GABRB1: variants seen among roughly 807,000 people sequenced by gnomAD.
GABRB1 encodes the protein gamma-aminobutyric acid type A receptor subunit beta1.
GABRB1 carries 17 observed loss-of-function variants against 51.6 expected under a neutral mutation model. That is an observed-to-expected ratio of 0.33 (90% CI 0.23 to 0.49). GABRB1 has a LOEUF of 0.49. Ranked by LOEUF, GABRB1 falls within the 20% of genes least tolerant of loss-of-function variation. The pLI is 0.99. For missense variants in GABRB1, 410 were observed against 600.6 expected (o/e 0.68, Z 3.32); for synonymous variants, 247 against 218.9 (o/e 1.13, Z -1.14).
At chr4:47,212,774 A>G (rs1430379890) in intron 4 of GABRB1, among the ~76,000 whole-genome samples, 2 of 152,220 alleles carry the variant, frequency 1.3e-5, no homozygotes, top group African/African-American at 4.8e-5. Context: ...ATTCTTTAAA[A>G]TCTAAGAATA....
At chr4:47,214,022 G>A (rs1485089581) in intron 4 of GABRB1, among the ~76,000 whole-genome samples, 1 of 152,042 alleles carries the variant, frequency 6.6e-6, no homozygotes, top group Admixed American at 6.6e-5. Flanking sequence ...AATTACTCCT[G>A]GTGGATGATG....
intron 4 of GABRB1, among the ~76,000 whole-genome samples, chr4:47,307,906 C>T (rs1724528297): frequency 6.6e-6 from 1 of 151,684 alleles, no homozygotes; most frequent in African/African-American, 2.4e-5. Context: ...ATTTAATGAA[C>T]AAAAATATTA....
At chr4:47,390,460 C>T (rs1727947102) in intron 5 of GABRB1, among the ~76,000 whole-genome samples, 1 of 152,190 alleles carries the variant, frequency 6.6e-6, no homozygotes, top group Admixed American at 6.5e-5. Context: ...GAAAATGCAT[C>T]CAAAATAGAG....
intron 3 of GABRB1, among the ~76,000 whole-genome samples, chr4:47,160,044 A>T (rs567203424): frequency 6.6e-6 from 1 of 152,218 alleles, no homozygotes; most frequent in South Asian, 2.1e-4. Context: ...TTTACCTTGT[A>T]TTAATAGAGT....
At chr4:47,139,115 T>G (rs554276507) in intron 3 of GABRB1, among the ~76,000 whole-genome samples, 2 of 152,126 alleles carry the variant, frequency 1.3e-5, no homozygotes, top group African/African-American at 4.8e-5. Context: ...TAAATAAATT[T>G]ATCAGGACTG....
chr4:47,061,890 T>C (rs988555976), intron 3 of GABRB1, among the ~76,000 whole-genome samples: 1 of 152,200 alleles, frequency 6.6e-6, no homozygotes, highest in Admixed American at 6.5e-5. Flanking sequence ...CTTGTTTCAG[T>C]TTAGCGCCTC....
intron 4 of GABRB1, among the ~76,000 whole-genome samples, chr4:47,247,685 G>A (rs969239376): frequency 6.6e-6 from 1 of 151,738 alleles, no homozygotes; most frequent in Non-Finnish European, 1.5e-5. Flanking sequence ...TGTCATCTAT[G>A]ATTTCCTTCA....
At chr4:47,100,829 A>G (rs1056864098) in intron 3 of GABRB1, among the ~76,000 whole-genome samples, 1 of 152,030 alleles carries the variant, frequency 6.6e-6, no homozygotes, top group African/African-American at 2.4e-5. Context: ...ACAAGAGTTT[A>G]TGTTAAGAAC....
chr4:47,037,098 C>A (rs1218381892), intron 3 of GABRB1, among the ~76,000 whole-genome samples: 1 of 152,080 alleles, frequency 6.6e-6, no homozygotes, highest in Non-Finnish European at 1.5e-5. Flanking sequence ...GTATTAATAC[C>A]TGTGAATCAA....
At chr4:47,096,617 A>G (rs1714451012) in intron 3 of GABRB1, among the ~76,000 whole-genome samples, 1 of 152,208 alleles carries the variant, frequency 6.6e-6, no homozygotes, top group Non-Finnish European at 1.5e-5. Flanking sequence ...AGTATCCTGA[A>G]TTATCCAGGT....
chr4:47,236,501 A>G (rs1721339259), intron 4 of GABRB1, among the ~76,000 whole-genome samples: 1 of 152,180 alleles, frequency 6.6e-6, no homozygotes, highest in Non-Finnish European at 1.5e-5. Flanking sequence ...CTCAGATAAT[A>G]CTGGTGAAGA....
intron 5 of GABRB1, among the ~76,000 whole-genome samples, chr4:47,376,943 A>G (rs890799287): frequency 1.3e-5 from 2 of 152,176 alleles, no homozygotes; most frequent in African/African-American, 4.8e-5. Flanking sequence ...TTTTCTCCTC[A>G]GTCTTCCTAT....
chr4:47,000,109 T>C (rs1724133473), intron 1 of GABRB1, among the ~76,000 whole-genome samples: 1 of 152,190 alleles, frequency 6.6e-6, no homozygotes, highest in Admixed American at 6.5e-5. Flanking sequence ...ACTATTGGCT[T>C]CTAGTGCATC....
chr4:47,031,509 G>C (rs1257188894), upstream of GABRB1: 1 of 673,480 alleles, frequency 1.5e-6, no homozygotes, highest in Admixed American at 2.5e-5. Flanking sequence ...TAGGAATATT[G>C]TTTGCAAGGC....
intron 3 of GABRB1, among the ~76,000 whole-genome samples, chr4:47,053,302 G>A (rs1282721103): frequency 6.6e-6 from 1 of 152,076 alleles, no homozygotes. Flanking sequence ...TCACAATTCT[G>A]GAAACTGGGA....
intron 4 of GABRB1, among the ~76,000 whole-genome samples, chr4:47,211,297 A>C (rs1297723224): frequency 6.6e-6 from 1 of 152,136 alleles, no homozygotes; most frequent in African/African-American, 2.4e-5. Flanking sequence ...CAAGAAAAAC[A>C]TTTTCAACTA....
intron 1 of GABRB1, among the ~76,000 whole-genome samples, chr4:47,010,348 A>G (rs1724549283): frequency 6.6e-6 from 1 of 152,236 alleles, no homozygotes; most frequent in Admixed American, 6.5e-5. Context: ...AACTTTTTAC[A>G]TTATTTAGTT....
rs1005152815 is a variant in GABRB1 at position 47,358,888 on chromosome 4, C to A, written c.544+38679C>A. ...GATATATCTATAGTTTGTGTGGGGACCCCCGGTGTTTTTCAAATACCAGCC... is the reference window on the plus strand; with the variant it reads ...GATATATCTATAGTTTGTGTGGGGAACCCCGGTGTTTTTCAAATACCAGCC... On this transcript the variant is annotated intron_variant, in intron 5 of 8. Coordinates refer to ENST00000295454, the MANE Select transcript of GABRB1 (RefSeq NM_000812.4). Among the ~76,000 whole-genome samples, 9 of 151,944 alleles carry A rather than the reference C, an allele frequency of 5.9e-5. 1 individual carries two copies. Among genetic ancestry groups the A allele is most frequent in the Admixed American group, 3.3e-4 (5 of 15,234 alleles).
At chr4:47,239,492 G>C (rs1008479528) in intron 4 of GABRB1, among the ~76,000 whole-genome samples, 6 of 152,220 alleles carry the variant, frequency 3.9e-5, no homozygotes, top group Admixed American at 1.3e-4. Flanking sequence ...AGAAAAAAAT[G>C]TATTAGCAAT....
Sources: gnomAD v4.1 joint callset for allele counts (sites outside exome capture counted in the v4.1 genomes callset) on GRCh38, gnomAD v4.1.1 for gene constraint, MANE v1.5 for transcripts, NCBI Gene and HGNC (gene_info 2026-07-23, HGNC 2026-07-21) for gene names.